Variants in IL1RAPL2 observed in about 807,000 individuals in gnomAD.
IL1RAPL2 encodes the protein X-linked interleukin-1 receptor accessory protein-like 2.
Under a neutral mutation model 44.1 loss-of-function variants are expected in IL1RAPL2, and 3 were observed. The ratio of observed to expected loss-of-function variants is 0.07; its 90% CI spans 0.03 to 0.18. IL1RAPL2 has a LOEUF of 0.18. Ranked by LOEUF, IL1RAPL2 falls within the 10% of genes least tolerant of loss-of-function variation. The pLI is 1.00. For missense variants in IL1RAPL2, 391 were observed against 496.4 expected, an observed-to-expected ratio of 0.79 and a Z score of 2.02; for synonymous variants, 181 against 178.8, an observed-to-expected ratio of 1.01 and a Z score of -0.10.
At chrX:105,111,732 A>G (rs1349928045) in intron 2 of IL1RAPL2, among the ~76,000 whole-genome samples, 1 of 111,611 alleles carries the variant, frequency 9.0e-6, no homozygotes, top group African/African-American at 3.3e-5. Context: ...CTTTGGGAAA[A>G]TATTTCTGAC....
At chrX:105,519,403 A>G (rs2036539622) in intron 6 of IL1RAPL2, among the ~76,000 whole-genome samples, 3 of 111,523 alleles carry the variant, frequency 2.7e-5, no homozygotes, top group Non-Finnish European at 1.9e-5. Context: ...TGGTAAGAAT[A>G]TAATTTATTA....
At chrX:104,886,994 C>T (rs1923267637) in intron 2 of IL1RAPL2, among the ~76,000 whole-genome samples, 1 of 112,358 alleles carries the variant, frequency 8.9e-6, no homozygotes, top group Non-Finnish European at 1.9e-5. Flanking sequence ...GGTTGAAGGC[C>T]CAGCTTTTCC....
intron 6 of IL1RAPL2, among the ~76,000 whole-genome samples, chrX:105,496,182 G>A (rs184163467): frequency 1.1e-4 from 12 of 111,882 alleles, no homozygotes; most frequent in Non-Finnish European, 2.1e-4. Context: ...CCCCTGCTTC[G>A]AGTTATCCTG....
intron 2 of IL1RAPL2, among the ~76,000 whole-genome samples, chrX:104,684,781 G>A (rs1156762355): frequency 8.9e-6 from 1 of 112,228 alleles, no homozygotes; most frequent in African/African-American, 3.2e-5. Context: ...TGGTTTTGCT[G>A]GAATAAAGTG....
chrX:104,713,174 C>T (rs1411980690), intron 2 of IL1RAPL2, among the ~76,000 whole-genome samples: 1 of 110,411 alleles, frequency 9.1e-6, no homozygotes, highest in African/African-American at 3.3e-5. Flanking sequence ...GGAAATCTTT[C>T]ACCAATATTC....
intron 2 of IL1RAPL2, among the ~76,000 whole-genome samples, chrX:104,714,892 T>C (rs1319330643): frequency 1.8e-5 from 2 of 111,408 alleles, no homozygotes; most frequent in Non-Finnish European, 3.8e-5. Context: ...CAGCATTTTG[T>C]TGAGAATTTT....
intron 5 of IL1RAPL2, among the ~76,000 whole-genome samples, chrX:105,270,057 A>C (rs1356382887): frequency 8.9e-6 from 1 of 111,948 alleles, no homozygotes; most frequent in African/African-American, 3.2e-5. Context: ...GTGCATCAGA[A>C]TCATGTAAAG....
intron 1 of IL1RAPL2, among the ~76,000 whole-genome samples, chrX:104,578,805 G>A (rs377067125): frequency 1.8e-5 from 2 of 111,228 alleles, no homozygotes; most frequent in African/African-American, 3.3e-5. Context: ...AATGAGTCAC[G>A]TGAAAATGAG....
intron 6 of IL1RAPL2, among the ~76,000 whole-genome samples, chrX:105,533,749 G>T (rs1411335269): frequency 6.3e-5 from 7 of 111,962 alleles, no homozygotes; most frequent in Non-Finnish European, 1.1e-4. Context: ...ATTTTTTGAG[G>T]TTTATCTAAA....
In IL1RAPL2 at chrX:104,892,769, G is replaced by A. The variant is rs187765796; in HGVS notation, c.82+233774G>A. ...CTCCTGGATTCATTGATTTTTTGAA[G>A]GGTTTTTTGTATCTCTATCTCCTTC... On this transcript the variant is annotated intron_variant, in intron 2 of 10. Transcript: ENST00000372582. Among the ~76,000 whole-genome samples, 16 of 111,291 alleles carry A rather than the reference G, an allele frequency of 1.4e-4. No individual in the cohort carries two copies. In the East Asian group the frequency reaches 2.8e-3, roughly 20 times the overall value.
chrX:105,182,812 G>T (rs1326409799), intron 2 of IL1RAPL2, among the ~76,000 whole-genome samples: 3 of 111,183 alleles, frequency 2.7e-5, no homozygotes, highest in East Asian at 2.8e-4. Context: ...AGCATGTGTG[G>T]CATCAGCAAT....
At chrX:104,827,014 T>A (rs1259075325) in intron 2 of IL1RAPL2, among the ~76,000 whole-genome samples, 2 of 103,917 alleles carry the variant, frequency 1.9e-5, no homozygotes, top group African/African-American at 7.1e-5. Flanking sequence ...TGAGCCTATG[T>A]GTGTCTTTGC....
At chrX:105,355,697 T>C (rs2035196682) in intron 5 of IL1RAPL2, among the ~76,000 whole-genome samples, 1 of 111,541 alleles carries the variant, frequency 9.0e-6, no homozygotes, top group South Asian at 3.8e-4. Context: ...TTTCCTCTTA[T>C]ACTGTTGAGA....
chrX:104,891,363 G>A (rs779399891), intron 2 of IL1RAPL2, among the ~76,000 whole-genome samples: 22 of 111,887 alleles, frequency 2.0e-4, no homozygotes, highest in East Asian at 8.5e-4. Context: ...GATGGGGATC[G>A]CATTGAATCT....
intron 2 of IL1RAPL2, among the ~76,000 whole-genome samples, chrX:104,838,630 C>T (rs920422091): frequency 2.7e-5 from 3 of 110,275 alleles, no homozygotes; most frequent in African/African-American, 9.9e-5. Context: ...GGGGCTGAGA[C>T]GATGGGGTTT....
intron 3 of IL1RAPL2, among the ~76,000 whole-genome samples, chrX:105,211,408 A>G (rs1225387142): frequency 9.9e-5 from 11 of 111,368 alleles, no homozygotes; most frequent in African/African-American, 2.9e-4. Context: ...TTCCCTCAGG[A>G]GTAGCAAAGC....
rs149867015 is a variant in IL1RAPL2, at chrX:104,904,123, T to G, written c.82+245128T>G. 6.2e-3 allele frequency among the ~76,000 whole-genome samples: 687 copies of G among 110,040 alleles called. 3 individuals are homozygous for G. Among genetic ancestry groups the G allele is most frequent in the African/African-American group, 0.022 (653 of 30,248 alleles). ...ACAAATATCCCTCTCTCCTTATTTG[T>G]ATATTGTAGTATCACCAACTAATGG... On this transcript the variant is annotated intron_variant, in intron 2 of 10. Transcript: ENST00000372582.
chrX:104,735,051 G>A (rs1201989880), intron 2 of IL1RAPL2, among the ~76,000 whole-genome samples: 1 of 111,558 alleles, frequency 9.0e-6, no homozygotes, highest in Non-Finnish European at 1.9e-5. Flanking sequence ...AATTAAGAAT[G>A]TATTGCTTTT....
intron 6 of IL1RAPL2, among the ~76,000 whole-genome samples, chrX:105,566,703 A>G (rs780746257): frequency 2.8e-4 from 31 of 111,641 alleles, no homozygotes; most frequent in Non-Finnish European, 5.6e-4. Flanking sequence ...TAGGCAGAAG[A>G]GTAAATAAGC....
Sources: allele counts gnomAD v4.1 joint callset (sites outside exome capture counted in the v4.1 genomes callset), GRCh38; gene constraint gnomAD v4.1.1; transcripts MANE v1.5; gene names NCBI Gene and HGNC (gene_info 2026-07-23, HGNC 2026-07-21).